The following PKHD1 variants were observed in gnomAD, a reference collection of about 807,000 sequenced individuals.
The protein encoded by PKHD1 is fibrocystin.
A neutral mutation model predicts 412.0 loss-of-function variants in PKHD1; 291 were observed. The ratio of observed to expected loss-of-function variants is 0.71; its 90% confidence interval spans 0.64 to 0.78. The LOEUF (loss-of-function observed/expected upper bound fraction) is 0.78, where lower values mean the gene tolerates loss of function less well. Among genes scored for constraint, PKHD1 ranks in the 30% least tolerant of loss-of-function variants. PKHD1 has a pLI of 0.00. For synonymous variants in PKHD1, 1,777 were observed against 1,821.5 expected (o/e 0.98, Z 0.62); for missense variants, 4,825 against 4,950.7 (o/e 0.97, Z 0.76).
chr6:51,968,939 C>T (rs1290448514), intron 35 of PKHD1, among the ~76,000 whole-genome samples: 7 of 152,138 alleles, frequency 4.6e-5, no homozygotes, highest in Non-Finnish European at 8.8e-5. Context: ...TAGTCCTCTC[C>T]CCTTCAGCAG....
At chr6:52,030,567 G>A (rs893394234) in intron 29 of PKHD1, among the ~76,000 whole-genome samples, 1 of 152,044 alleles carries the variant, frequency 6.6e-6, no homozygotes, top group African/African-American at 2.4e-5. Flanking sequence ...CATTATTTGG[G>A]TGGTATTTTG....
At chr6:51,817,057 A>G (rs1765575522) in intron 52 of PKHD1, among the ~76,000 whole-genome samples, 1 of 128,724 alleles carries the variant, frequency 7.8e-6, no homozygotes, top group Non-Finnish European at 1.7e-5. Context: ...GAGGAGCAAG[A>G]GAGAGTCATG....
intron 6 of PKHD1, among the ~76,000 whole-genome samples, chr6:52,074,218 G>C (rs932668246): frequency 6.6e-6 from 1 of 152,220 alleles, no homozygotes; most frequent in Non-Finnish European, 1.5e-5. Context: ...CCTCTTTATA[G>C]ACACTGAATG....
At chr6:51,883,909 T>C (rs533576247) in intron 45 of PKHD1, among the ~76,000 whole-genome samples, 2 of 152,338 alleles carry the variant, frequency 1.3e-5, no homozygotes, top group African/African-American at 4.8e-5. Flanking sequence ...TTGCTCCTTC[T>C]TTGACTTCTT....
chr6:51,927,483 A>G (rs1227248340), intron 37 of PKHD1, among the ~76,000 whole-genome samples: 3 of 152,170 alleles, frequency 2.0e-5, no homozygotes, highest in African/African-American at 7.2e-5. Flanking sequence ...AAGGAGATTC[A>G]AAGAAATCCT....
At chr6:51,801,021 T>C (rs931943370) in intron 52 of PKHD1, among the ~76,000 whole-genome samples, 1 of 152,208 alleles carries the variant, frequency 6.6e-6, no homozygotes, top group Admixed American at 6.5e-5. Context: ...AAAGTAAATT[T>C]TAAAGCTATT....
rs922828020 is a variant in PKHD1 at position 52,044,986 on chromosome 6, T to G, written c.2695A>C (p.Thr899Pro). 1 of 1,613,440 alleles carries G rather than the reference T, an allele frequency of 6.2e-7. No individual in the cohort carries two copies. Among genetic ancestry groups the G allele is most frequent in the Non-Finnish European group, 8.5e-7 (1 of 1,179,516 alleles). Reference sequence around the variant, plus strand: ...CTCACCTGAGTATGCTGGTTGGCAGTAGCCAACATGTCTCCAAATATGGGT... The same window carrying G: ...CTCACCTGAGTATGCTGGTTGGCAGGAGCCAACATGTCTCCAAATATGGGT... ...LGPIFGDMLA[T>P]ANQHTQVVVR... is the part of the protein sequence containing the mutation. Residue 899 changes from threonine to proline, a missense_variant, in exon 25 of 67, where the codon ACT becomes CCT. Transcript: ENST00000371117.
chr6:51,639,504 C>T (rs866117943), intron 63 of PKHD1, among the ~76,000 whole-genome samples: 1 of 152,042 alleles, frequency 6.6e-6, no homozygotes, highest in African/African-American at 2.4e-5. Flanking sequence ...CCATGGCAAT[C>T]TACCAAATAA....
rs750873567 is a variant in PKHD1 at position 51,885,955 on chromosome 6, T to C, written c.7127A>G (p.Tyr2376Cys). 2.6e-5 allele frequency: 41 copies of C among 1,602,138 alleles called. No individual in the cohort carries two copies. Among genetic ancestry groups the C allele is most frequent in the Non-Finnish European group, 3.0e-5 (35 of 1,169,236 alleles). Residue 2376 changes from tyrosine to cysteine, a missense_variant, in exon 45 of 67, where the codon TAC (tyrosine) becomes TGC (cysteine). Tyr to Cys is a radical substitution (Grantham distance 194, BLOSUM62 -2). Transcript: ENST00000371117. Reference sequence around the variant, plus strand: ...ATCCCAAGGTGGCTGAAATTTAGGGTATACAAAGAGACCATACCTAAAAAG... The same window carrying C: ...ATCCCAAGGTGGCTGAAATTTAGGGCATACAAAGAGACCATACCTAAAAAG... ...HSCTRYGLFVYPKFQPPWDNV... is the reference protein window; with the variant it reads ...HSCTRYGLFVCPKFQPPWDNV...
At chr6:51,835,192 C>T (rs895415603) in intron 51 of PKHD1, among the ~76,000 whole-genome samples, 8 of 152,160 alleles carry the variant, frequency 5.3e-5, no homozygotes, top group Non-Finnish European at 1.2e-4. Context: ...CATCATACTA[C>T]ATGCTGAGTG....
At chr6:51,836,919 G>C (rs560880264) in intron 50 of PKHD1, among the ~76,000 whole-genome samples, 17 of 152,182 alleles carry the variant, frequency 1.1e-4, no homozygotes, top group Non-Finnish European at 2.1e-4. Context: ...TTTTAATGAA[G>C]CCTTTTCCCC....
chr6:52,032,959 G>T, intron 29 of PKHD1, 71 bp downstream of exon 29: 1 of 1,313,776 alleles, frequency 7.6e-7, no homozygotes, highest in Non-Finnish European at 1.1e-6. Context: ...AATTTCAGAG[G>T]ACATTGATTG....
At chr6:51,859,217 C>T (rs1196147842) in intron 48 of PKHD1, among the ~76,000 whole-genome samples, 2 of 151,922 alleles carry the variant, frequency 1.3e-5, no homozygotes, top group African/African-American at 4.8e-5. Flanking sequence ...TCATGCATAC[C>T]ACGTTGATCA....
At chr6:51,733,032 T>C (rs922231229) in intron 60 of PKHD1, among the ~76,000 whole-genome samples, 3 of 152,212 alleles carry the variant, frequency 2.0e-5, no homozygotes, top group Non-Finnish European at 4.4e-5. Context: ...TGTATGATTC[T>C]ACTTATATGA....
chr6:52,000,724 C>T (rs1798267044), intron 35 of PKHD1, among the ~76,000 whole-genome samples: 1 of 152,096 alleles, frequency 6.6e-6, no homozygotes, highest in South Asian at 2.1e-4. Flanking sequence ...AATAATTACT[C>T]AGTGATATTA....
intron 60 of PKHD1, among the ~76,000 whole-genome samples, chr6:51,691,330 A>G (rs1778131150): frequency 6.6e-6 from 1 of 152,222 alleles, no homozygotes; most frequent in Non-Finnish European, 1.5e-5. Context: ...AATATAAATC[A>G]TTCTATTATA....
At chr6:51,827,597 T>A (rs1266391835) in intron 52 of PKHD1, among the ~76,000 whole-genome samples, 1 of 152,128 alleles carries the variant, frequency 6.6e-6, no homozygotes, top group Non-Finnish European at 1.5e-5. Context: ...CTTTCAAAAT[T>A]CACTTCAAAT....
intron 48 of PKHD1, among the ~76,000 whole-genome samples, chr6:51,862,168 T>C (rs756656455): frequency 6.6e-6 from 1 of 152,204 alleles, no homozygotes; most frequent in Non-Finnish European, 1.5e-5. Context: ...TTCCCAACTA[T>C]ATGTTCAGTG....
intron 27 of PKHD1, among the ~76,000 whole-genome samples, chr6:52,038,107 C>A (rs1010660333): frequency 6.6e-6 from 1 of 152,100 alleles, no homozygotes; most frequent in Admixed American, 6.5e-5. Flanking sequence ...TTGGGCCAGG[C>A]GCAGTGGCTC....
Sources: allele counts gnomAD v4.1 joint callset (sites outside exome capture counted in the v4.1 genomes callset), GRCh38; gene constraint gnomAD v4.1.1; transcripts MANE v1.5; gene names NCBI Gene and HGNC (gene_info 2026-07-23, HGNC 2026-07-21).